FBXO4: variants seen among roughly 807,000 people sequenced by gnomAD.
FBXO4 encodes the protein F-box only protein 4.
FBXO4 carries 36 observed loss-of-function variants against 43.7 expected under a neutral mutation model. The ratio of observed to expected loss-of-function variants is 0.82; its 90% CI spans 0.63 to 1.09. FBXO4 has a LOEUF of 1.09. FBXO4 is among the 50% of genes least tolerant of loss of function. FBXO4 has a pLI of 0.00. For missense variants in FBXO4, 435 were observed against 474.1 expected, an observed-to-expected ratio of 0.92 and a Z score of 0.77; for synonymous variants, 180 against 165.6, an observed-to-expected ratio of 1.09 and a Z score of -0.67.
chr5:42,016,757 G>T, the FBXO4 span, among the ~76,000 whole-genome samples: 7 of 151,964 alleles, frequency 4.6e-5, no homozygotes, highest in Non-Finnish European at 7.4e-5. Flanking sequence ...ATAGTCTGTT[G>T]TAATTACTGT....
At chr5:41,982,515 T>C in the FBXO4 span, among the ~76,000 whole-genome samples, 1 of 152,162 alleles carries the variant, frequency 6.6e-6, no homozygotes, top group Non-Finnish European at 1.5e-5. Flanking sequence ...ATTTTTGTTA[T>C]ATATCTGTAT....
the FBXO4 span, among the ~76,000 whole-genome samples, chr5:41,986,828 C>CA: frequency 7.2e-5 from 11 of 151,928 alleles, no homozygotes; most frequent in Non-Finnish European, 1.2e-4. Flanking sequence ...TTTTCTCATG[C>CA]AAAAAAATAA....
At chr5:41,971,681 C>T in the FBXO4 span, among the ~76,000 whole-genome samples, 2 of 151,788 alleles carry the variant, frequency 1.3e-5, no homozygotes, top group Non-Finnish European at 2.9e-5. Flanking sequence ...TAAAATGTTT[C>T]TTTCTCTATT....
chr5:41,958,336 A>G, the FBXO4 span, among the ~76,000 whole-genome samples: 12,097 of 152,112 alleles, frequency 0.08, 689 homozygotes, highest in African/African-American at 0.16. Context: ...GGGTTTCACC[A>G]TGTTAGCCAG....
At chr5:41,999,161 A>T in the FBXO4 span, among the ~76,000 whole-genome samples, 1 of 151,658 alleles carries the variant, frequency 6.6e-6, no homozygotes, top group South Asian at 2.1e-4. Context: ...AAATGCATTT[A>T]TTTTGCATAA....
the FBXO4 span, among the ~76,000 whole-genome samples, chr5:42,015,058 G>A: frequency 2.8e-3 from 427 of 152,284 alleles, 1 homozygote; most frequent in African/African-American, 8.9e-3. Context: ...GAGTAAAGCA[G>A]TAGGTATGAT....
chr5:42,005,295 T>G, the FBXO4 span, among the ~76,000 whole-genome samples: 2 of 152,154 alleles, frequency 1.3e-5, no homozygotes, highest in Non-Finnish European at 1.5e-5. Flanking sequence ...TAAACTTTAT[T>G]TGCTTCATAA....
chr5:41,978,988 T>G, the FBXO4 span, among the ~76,000 whole-genome samples: 1 of 152,216 alleles, frequency 6.6e-6, no homozygotes, highest in Non-Finnish European at 1.5e-5. Context: ...TTGTTTTTTT[T>G]TGTAAAACGC....
chr5:41,925,553 A>C, intron 1 of FBXO4, 55 bp downstream of exon 1: 1 of 1,250,568 alleles, frequency 8.0e-7, no homozygotes, highest in Non-Finnish European at 1.0e-6. Context: ...GGCCGGAGGG[A>C]CCTCCCCTGG....
the FBXO4 span, among the ~76,000 whole-genome samples, chr5:41,984,797 C>T: frequency 6.6e-6 from 1 of 152,286 alleles, no homozygotes; most frequent in Non-Finnish European, 1.5e-5. Flanking sequence ...AGGTGTGAGC[C>T]ACCCTGCCCA....
At chr5:42,013,294 T>C in the FBXO4 span, among the ~76,000 whole-genome samples, 2 of 152,048 alleles carry the variant, frequency 1.3e-5, no homozygotes, top group African/African-American at 2.4e-5. Flanking sequence ...AGAAAGATTG[T>C]TAGGAAAGAA....
At chr5:41,962,938 A>G in the FBXO4 span, among the ~76,000 whole-genome samples, 4 of 152,160 alleles carry the variant, frequency 2.6e-5, no homozygotes, top group Admixed American at 2.6e-4. Context: ...AATGACAGAA[A>G]CTGTTAGATT....
At chr5:42,034,468 G>GT in the FBXO4 span, among the ~76,000 whole-genome samples, 1 of 152,110 alleles carries the variant, frequency 6.6e-6, no homozygotes, top group East Asian at 1.9e-4. Flanking sequence ...TATTACTTAG[G>GT]TTTTCTTCTA....
Position 41,925,341 on chromosome 5 carries a change from ACT to A in FBXO4, c.34_35del (p.Ser12AlafsTer42). 1 of 1,363,216 alleles carries A rather than the reference ACT, an allele frequency of 7.3e-7. No homozygotes were observed. The highest frequency in any genetic ancestry group is 9.5e-7 in the Non-Finnish European group (1 of 1,054,026). 84.4% of individuals were successfully genotyped at this position (1,363,216 alleles called of 1,614,324 possible). A position where few individuals can be genotyped will look rare whatever the true frequency, so the allele number is the denominator to read the frequency against. ...GGAAGCGAGCCGCGCAGCGGAACAA[ACT>A]CGCCGCCGCCGCCCTTCAGCGACTG... On this transcript the variant is annotated frameshift_variant, in exon 1 of 7. Transcript: ENST00000281623. LOFTEE classifies it high-confidence loss of function.
At chr5:42,011,133 G>A in the FBXO4 span, among the ~76,000 whole-genome samples, 1 of 152,032 alleles carries the variant, frequency 6.6e-6, no homozygotes, top group Non-Finnish European at 1.5e-5. Flanking sequence ...CTAGAATAAT[G>A]TCTTCATCTG....
At chr5:41,981,382 T>A in the FBXO4 span, among the ~76,000 whole-genome samples, 30 of 151,404 alleles carry the variant, frequency 2.0e-4, no homozygotes, top group Non-Finnish European at 2.8e-4. Flanking sequence ...CATTCTAAAA[T>A]TTTTTTTTAA....
At chr5:41,943,023 C>G (rs1752027017), downstream of FBXO4, among the ~76,000 whole-genome samples, 1 of 152,056 alleles carries the variant, frequency 6.6e-6, no homozygotes, top group Non-Finnish European at 1.5e-5. Flanking sequence ...TATACATAAA[C>G]TTTAAATCTC....
At chr5:41,949,743 G>A in the FBXO4 span, among the ~76,000 whole-genome samples, 1 of 152,160 alleles carries the variant, frequency 6.6e-6, no homozygotes, top group African/African-American at 2.4e-5. Context: ...TCAAAAAAGA[G>A]CTCACATAGC....
the FBXO4 span, among the ~76,000 whole-genome samples, chr5:41,999,496 T>C: frequency 0.038 from 2,537 of 66,892 alleles, 97 homozygotes; most frequent in Admixed American, 0.11. Context: ...TATATATACA[T>C]ATATATATGT....
Sources: allele counts gnomAD v4.1 joint callset (sites outside exome capture counted in the v4.1 genomes callset), GRCh38; gene constraint gnomAD v4.1.1; transcripts MANE v1.5; gene names NCBI Gene and HGNC (gene_info 2026-07-23, HGNC 2026-07-21).